Variants in FAR2 observed in about 807,000 individuals in gnomAD.
The protein encoded by FAR2 is epididymis secretory protein Li 81.
A neutral mutation model predicts 56.0 loss-of-function variants in FAR2; 19 were observed. The observed-to-expected ratio is 0.34, with a 90% CI of 0.24 to 0.50. The LOEUF (loss-of-function observed/expected upper bound fraction) is 0.50. Ranked by LOEUF, FAR2 falls within the 20% of genes least tolerant of loss-of-function variation. The pLI is 0.98. For missense variants in FAR2, 508 were observed against 642.2 expected, an observed-to-expected ratio of 0.79 and a Z score of 2.26; for synonymous variants, 219 against 218.8, an observed-to-expected ratio of 1.00 and a Z score of -0.01.
chr12:29,184,763 G>A (rs948262795), intron 1 of FAR2, among the ~76,000 whole-genome samples: 4 of 152,066 alleles, frequency 2.6e-5, no homozygotes, highest in Non-Finnish European at 5.9e-5. Flanking sequence ...TCCCTAAAGA[G>A]GGAGTTTTTA....
chr12:29,302,810 AC>A (rs1949198290), intron 4 of FAR2, among the ~76,000 whole-genome samples: 1 of 152,038 alleles, frequency 6.6e-6, no homozygotes, highest in South Asian at 2.1e-4. Flanking sequence ...AGGAAGCGAG[AC>A]CCATTACCAG....
In FAR2 at chr12:29,270,401, T is replaced by C; in HGVS notation, c.-38-11T>C. On this transcript the variant is annotated splice_polypyrimidine_tract_variant and intron_variant, in intron 1 of 11. Coordinates refer to ENST00000536681, the MANE Select transcript of FAR2 (RefSeq NM_001271783.2). ...AAGATGTAATCTTTTGTTATTTCTC[T>C]TCCTTTTCAGGAACCTCTTTCAGGA... 1 of 1,472,078 alleles carries C rather than the reference T, an allele frequency of 6.8e-7. No individual in the cohort carries two copies. The highest frequency in any genetic ancestry group is 9.1e-7 in the Non-Finnish European group (1 of 1,098,036). The allele number at this position is 1,472,078 out of a possible 1,614,324, so 91.2% of individuals were successfully genotyped here. A position where few individuals can be genotyped will look rare whatever the true frequency, so the allele number is the denominator to read the frequency against.
At chr12:29,288,241 T>C (rs1948906546) in intron 2 of FAR2, among the ~76,000 whole-genome samples, 1 of 152,172 alleles carries the variant, frequency 6.6e-6, no homozygotes, top group Non-Finnish European at 1.5e-5. Flanking sequence ...GTCCTACTCT[T>C]GTAAAGAACA....
chr12:29,200,951 C>G (rs1470756477), intron 1 of FAR2, among the ~76,000 whole-genome samples: 1 of 152,152 alleles, frequency 6.6e-6, no homozygotes, highest in African/African-American at 2.4e-5. Flanking sequence ...CACAGCTGGA[C>G]TGGCAGAGGA....
intron 1 of FAR2, among the ~76,000 whole-genome samples, chr12:29,246,187 T>C (rs1282306826): frequency 1.3e-5 from 2 of 152,138 alleles, no homozygotes; most frequent in African/African-American, 4.8e-5. Context: ...ACAATAAGTT[T>C]ATTAATCATT....
intron 1 of FAR2, among the ~76,000 whole-genome samples, chr12:29,179,472 A>G (rs1468978501): frequency 6.6e-6 from 1 of 152,204 alleles, no homozygotes; most frequent in Admixed American, 6.5e-5. Flanking sequence ...CAACAAAGCA[A>G]CAAGCCAGGC....
chr12:29,188,129 AATT>A (rs760626850), intron 1 of FAR2, among the ~76,000 whole-genome samples: 2 of 152,194 alleles, frequency 1.3e-5, no homozygotes, highest in Non-Finnish European at 2.9e-5. Context: ...AGGGATTACT[AATT>A]ATTGTATCAC....
At chr12:29,315,868 A>G (rs1337973009) in intron 8 of FAR2, among the ~76,000 whole-genome samples, 3 of 152,164 alleles carry the variant, frequency 2.0e-5, no homozygotes, top group East Asian at 1.9e-4. Context: ...GTGAATGTCT[A>G]TTACACATCC....
intron 1 of FAR2, among the ~76,000 whole-genome samples, chr12:29,179,483 A>C (rs1051220437): frequency 6.6e-6 from 1 of 152,198 alleles, no homozygotes; most frequent in African/African-American, 2.4e-5. Flanking sequence ...CAAGCCAGGC[A>C]TGAGCCCCAT....
chr12:29,281,946 C>G (rs1012868674), intron 2 of FAR2, among the ~76,000 whole-genome samples: 12 of 152,024 alleles, frequency 7.9e-5, no homozygotes, highest in African/African-American at 2.9e-4. Flanking sequence ...CAGTGTTTGC[C>G]AAATCTAAAA....
chr12:29,311,967 T>G lies in FAR2; in HGVS notation c.955+17T>G. The G allele has an allele frequency of 2.5e-6, 4 of 1,580,466 alleles. No individual in the cohort carries two copies. The highest frequency in any genetic ancestry group is 3.5e-6 in the Non-Finnish European group (4 of 1,152,782). ...ACAAAATGGGTAAGTACTTTAGCTA[T>G]GTAACTCTATAATTACTAGTGTCTG... On this transcript the variant is annotated intron_variant, in intron 8 of 11. Coordinates refer to ENST00000536681, the MANE Select transcript of FAR2 (RefSeq NM_001271783.2).
At chr12:29,149,757 G>C (rs1472145225) in intron 1 of FAR2, among the ~76,000 whole-genome samples, 1 of 152,246 alleles carries the variant, frequency 6.6e-6, no homozygotes, top group Non-Finnish European at 1.5e-5. Flanking sequence ...GGGGACTGGG[G>C]ACCCGGGAAG....
At chr12:29,197,763 C>A (rs929981532) in intron 1 of FAR2, among the ~76,000 whole-genome samples, 6 of 152,176 alleles carry the variant, frequency 3.9e-5, no homozygotes, top group Non-Finnish European at 7.4e-5. Flanking sequence ...GCATTGACTT[C>A]TTTCAAAACT....
At chr12:29,320,306 T>C (rs1378280504) in intron 9 of FAR2, among the ~76,000 whole-genome samples, 2 of 152,252 alleles carry the variant, frequency 1.3e-5, no homozygotes, top group Non-Finnish European at 2.9e-5. Flanking sequence ...AATGATATCA[T>C]GTCCAACCGT....
At chr12:29,207,255 T>C (rs1050820878) in intron 1 of FAR2, among the ~76,000 whole-genome samples, 4 of 152,202 alleles carry the variant, frequency 2.6e-5, no homozygotes, top group South Asian at 2.1e-4. Flanking sequence ...CTTCCCACTC[T>C]GGCCCCCTGC....
intron 2 of FAR2, chr12:29,277,325 CG>C (rs1170147234): frequency 1.3e-5 from 2 of 152,098 alleles, no homozygotes; most frequent in African/African-American, 4.8e-5. Context: ...TAAGGAAATC[CG>C]TAAGTGTCCA....
intron 1 of FAR2, among the ~76,000 whole-genome samples, chr12:29,169,361 T>TG (rs773959043): frequency 2.0e-5 from 3 of 152,174 alleles, no homozygotes; most frequent in Non-Finnish European, 4.4e-5. Flanking sequence ...TGAGCTCATT[T>TG]GGGGTTCCAT....
intron 1 of FAR2, among the ~76,000 whole-genome samples, chr12:29,155,592 T>C (rs1232592068): frequency 2.0e-5 from 3 of 152,186 alleles, no homozygotes; most frequent in African/African-American, 7.2e-5. Flanking sequence ...TTTTTAAAAC[T>C]TAGAAAAAAT....
intron 1 of FAR2, among the ~76,000 whole-genome samples, chr12:29,255,207 G>T (rs370132208): frequency 3.9e-5 from 6 of 152,178 alleles, no homozygotes; most frequent in Non-Finnish European, 5.9e-5. Flanking sequence ...TTTCTGGTAA[G>T]GCCTTTCTTC....
Sources: allele counts gnomAD v4.1 joint callset (sites outside exome capture counted in the v4.1 genomes callset), GRCh38; gene constraint gnomAD v4.1.1; transcripts MANE v1.5; gene names NCBI Gene and HGNC (gene_info 2026-07-23, HGNC 2026-07-21).